CSMD1: variants seen among roughly 807,000 people sequenced by gnomAD.
CSMD1 encodes CUB and Sushi multiple domains 1, also known as CUB and sushi domain-containing protein 1.
CSMD1 carries 213 observed loss-of-function variants against 417.5 expected under a neutral mutation model. The observed-to-expected ratio is 0.51, with a 90% CI of 0.46 to 0.57. The LOEUF (loss-of-function observed/expected upper bound fraction) is 0.57, where lower values mean the gene tolerates loss of function less well. CSMD1 is among the 20% of genes least tolerant of loss of function. CSMD1 has a pLI of 0.00. For missense variants in CSMD1, 6,923 were observed against 4,529.7 expected (o/e 1.53, Z -15.17); for synonymous variants, 2,862 against 1,736.8 (o/e 1.65, Z -16.11).
chr8:4,430,006 T>C (rs1797781916), intron 2 of CSMD1, among the ~76,000 whole-genome samples: 1 of 152,168 alleles, frequency 6.6e-6, no homozygotes, highest in Non-Finnish European at 1.5e-5. Flanking sequence ...TCTCCTTAAG[T>C]GCCTTCCCAC....
chr8:4,033,474 T>G (rs1797463002), intron 3 of CSMD1, among the ~76,000 whole-genome samples: 1 of 152,036 alleles, frequency 6.6e-6, no homozygotes, highest in Non-Finnish European at 1.5e-5. Context: ...AAAAAAACCT[T>G]TGATTCTACC....
chr8:4,179,780 C>G (rs1251034096), intron 3 of CSMD1, among the ~76,000 whole-genome samples: 1 of 152,024 alleles, frequency 6.6e-6, no homozygotes. Context: ...TATGAACAGA[C>G]ACTTCTCAAA....
In CSMD1 at chr8:3,788,084, T is replaced by C. The variant is rs146538822; in HGVS notation, c.819-34042A>G. Reference sequence around the variant, plus strand: ...GCCTCTCCATCCAGTGAGTGTTCTTTGGGAAGACTTGCAACGCTTAGTTCT... The same window carrying C: ...GCCTCTCCATCCAGTGAGTGTTCTTCGGGAAGACTTGCAACGCTTAGTTCT... On this transcript the variant is annotated intron_variant, in intron 5 of 69. Transcript: ENST00000635120. Among the ~76,000 whole-genome samples the C allele has an allele frequency of 2.4e-3, 370 of 152,316 alleles. 1 individual carries two copies. Among genetic ancestry groups the C allele is most frequent in the African/African-American group, 8.5e-3 (355 of 41,552 alleles).
chr8:3,224,414 G>C (rs56129751), intron 27 of CSMD1, among the ~76,000 whole-genome samples: 1 of 152,008 alleles, frequency 6.6e-6, no homozygotes. Flanking sequence ...CTGAACAAGT[G>C]TTCAGGAAAT....
chr8:4,052,427 A>G (rs1463243454), intron 3 of CSMD1, among the ~76,000 whole-genome samples: 1 of 152,158 alleles, frequency 6.6e-6, no homozygotes, highest in African/African-American at 2.4e-5. Flanking sequence ...GGAGATCCCA[A>G]ATATCTTGTA....
intron 1 of CSMD1, among the ~76,000 whole-genome samples, chr8:4,952,437 C>G (rs1445406241): frequency 1.3e-5 from 2 of 152,090 alleles, no homozygotes; most frequent in East Asian, 1.9e-4. Context: ...GTGAGTCATA[C>G]TTACTGGATT....
rs759268228 is a variant in CSMD1 at position 4,530,314 on chromosome 8, C to CTTTTT, written c.302+107023_302+107027dup. Among the ~76,000 whole-genome samples, 437 of 46,630 alleles carry CTTTTT rather than the reference C, an allele frequency of 9.4e-3. 41 individuals are homozygous for CTTTTT. The highest frequency in any genetic ancestry group is 0.012 in the Non-Finnish European group (339 of 27,140). The allele number at this position is 46,630 out of a possible 152,430, so 30.6% of individuals were successfully genotyped here. A position where few individuals can be genotyped will look rare whatever the true frequency, so the allele number is the denominator to read the frequency against. On this transcript the variant is annotated intron_variant, in intron 2 of 69. Transcript: ENST00000635120. ...TTCACAGTTTATCGTACAGGTAGTG[C>CTTTTT]TTTTTTTTTTTTTTTTTTTTTTTTT...
chr8:3,556,741 C>G (rs1381202725), intron 10 of CSMD1, among the ~76,000 whole-genome samples: 3 of 151,976 alleles, frequency 2.0e-5, no homozygotes, highest in South Asian at 2.1e-4. Flanking sequence ...TCTCTCAAAG[C>G]TTTATTAGCT....
intron 50 of CSMD1, among the ~76,000 whole-genome samples, chr8:3,035,907 T>A (rs568479034): frequency 1.3e-5 from 2 of 152,332 alleles, no homozygotes; most frequent in Middle Eastern, 3.4e-3. Flanking sequence ...AGGAATAATT[T>A]TCTTCAATTT....
At chr8:4,372,076 G>T (rs995203220) in intron 3 of CSMD1, among the ~76,000 whole-genome samples, 1 of 152,228 alleles carries the variant, frequency 6.6e-6, no homozygotes, top group Non-Finnish European at 1.5e-5. Context: ...GGTGGCTGAG[G>T]TGGAAGAAAA....
intron 7 of CSMD1, among the ~76,000 whole-genome samples, chr8:3,627,081 T>G (rs1796528478): frequency 6.6e-6 from 1 of 152,164 alleles, no homozygotes; most frequent in South Asian, 2.1e-4. Context: ...AGAATTGCTG[T>G]GATAGTTTAA....
At chr8:3,899,516 C>G (rs751880431) in intron 5 of CSMD1, among the ~76,000 whole-genome samples, 1 of 152,096 alleles carries the variant, frequency 6.6e-6, no homozygotes, top group Non-Finnish European at 1.5e-5. Flanking sequence ...ATTTTGGATG[C>G]TGTCATAAGG....
At chr8:4,466,771 G>A (rs1196764298) in intron 2 of CSMD1, among the ~76,000 whole-genome samples, 1 of 152,038 alleles carries the variant, frequency 6.6e-6, no homozygotes. Context: ...ATTATAATAT[G>A]AGAATACCAC....
At chr8:3,302,007 G>C (rs1029563554) in intron 25 of CSMD1, among the ~76,000 whole-genome samples, 4 of 152,106 alleles carry the variant, frequency 2.6e-5, no homozygotes, top group African/African-American at 7.2e-5. Flanking sequence ...GAGCTGTACA[G>C]TCCTATTTTC....
intron 10 of CSMD1, among the ~76,000 whole-genome samples, chr8:3,548,530 A>G (rs1798771946): frequency 6.6e-6 from 1 of 151,798 alleles, no homozygotes; most frequent in Non-Finnish European, 1.5e-5. Flanking sequence ...CCTGCTTGGA[A>G]TGAGAACATA....
intron 3 of CSMD1, among the ~76,000 whole-genome samples, chr8:4,393,720 G>T (rs979718387): frequency 2.6e-5 from 4 of 152,172 alleles, no homozygotes; most frequent in African/African-American, 9.7e-5. Context: ...AGCAGACCTT[G>T]AAAATCTCTG....
chr8:4,260,660 A>G (rs1803814903), intron 3 of CSMD1, among the ~76,000 whole-genome samples: 1 of 152,156 alleles, frequency 6.6e-6, no homozygotes, highest in Admixed American at 6.6e-5. Flanking sequence ...ATTTTCATAT[A>G]ATTTCAGTTT....
chr8:3,814,219 C>T (rs1364466559), intron 5 of CSMD1, among the ~76,000 whole-genome samples: 1 of 152,192 alleles, frequency 6.6e-6, no homozygotes, highest in Non-Finnish European at 1.5e-5. Flanking sequence ...AGCTCATCAG[C>T]TCGTCTGCAT....
At chr8:3,895,807 C>T (rs1320094584) in intron 5 of CSMD1, among the ~76,000 whole-genome samples, 1 of 152,160 alleles carries the variant, frequency 6.6e-6, no homozygotes, top group Non-Finnish European at 1.5e-5. Flanking sequence ...TCCAGTTGTA[C>T]CTGCAGTGTG....
Sources: gnomAD v4.1 joint callset for allele counts (sites outside exome capture counted in the v4.1 genomes callset) on GRCh38, gnomAD v4.1.1 for gene constraint, MANE v1.5 for transcripts, NCBI Gene and HGNC (gene_info 2026-07-23, HGNC 2026-07-21) for gene names.